The following DNAAF4 variants were observed in gnomAD, a reference collection of about 807,000 sequenced individuals.
DNAAF4 encodes dynein axonemal assembly factor 4, also known as dynein assembly factor 4, axonemal.
DNAAF4 carries 43 observed loss-of-function variants against 51.8 expected under a neutral mutation model. The observed-to-expected ratio is 0.83, with a 90% CI of 0.65 to 1.07. The LOEUF is 1.07. DNAAF4 is among the 50% of genes least tolerant of loss of function. The pLI is 0.00. For missense variants in DNAAF4, 581 were observed against 493.0 expected (o/e 1.18, Z -1.69); for synonymous variants, 194 against 165.6 (o/e 1.17, Z -1.32).
chr15:55,453,016 C>T (rs182897797), intron 5 of DNAAF4, among the ~76,000 whole-genome samples: 228 of 152,092 alleles, frequency 1.5e-3, no homozygotes, highest in Non-Finnish European at 2.8e-3. Flanking sequence ...TTAGTAGACA[C>T]GGGTTTCATC....
At position 55,430,423 on chromosome 15, in the gene DNAAF4, A is replaced by G; in HGVS notation, c.*247T>C. ...AAGGGCAAGCTTAATTCAGTAACACAAAAAAGTATACATATGTATTAATAT... is the reference window on the plus strand; with the variant it reads ...AAGGGCAAGCTTAATTCAGTAACACGAAAAAGTATACATATGTATTAATAT... On this transcript the variant is annotated 3_prime_UTR_variant, in exon 10 of 10. Coordinates refer to ENST00000321149, the MANE Select transcript of DNAAF4 (RefSeq NM_130810.4). 1 of 1,004,302 alleles carries G rather than the reference A, an allele frequency of 1.0e-6. No homozygotes were observed. The highest frequency in any genetic ancestry group is 1.2e-6 in the Non-Finnish European group (1 of 834,202). 62.2% of individuals were successfully genotyped at this position (1,004,302 alleles called of 1,614,324 possible).
chr15:55,450,384 A>G lies in DNAAF4; in HGVS notation c.638-17T>C. 6.2e-7 allele frequency: 1 copy of G among 1,605,364 alleles called. No homozygotes were observed. The highest frequency in any genetic ancestry group is 1.1e-5 in the South Asian group (1 of 89,032). On this transcript the variant is annotated splice_polypyrimidine_tract_variant and intron_variant, in intron 5 of 9. Coordinates refer to ENST00000321149, the MANE Select transcript of DNAAF4 (RefSeq NM_130810.4). ...AATTTCTCCCTTCAAAAACAATGGT[A>G]GCAAACAAGTCACTTATTTCTCATT...
intron 1 of DNAAF4, among the ~76,000 whole-genome samples, chr15:55,505,005 T>G (rs1229690276): frequency 6.6e-6 from 1 of 151,854 alleles, no homozygotes; most frequent in African/African-American, 2.4e-5. Flanking sequence ...TGGGAGAAAA[T>G]TTTTGCAATC....
chr15:55,486,479 C>A (rs548954596), intron 4 of DNAAF4, among the ~76,000 whole-genome samples: 50 of 152,206 alleles, frequency 3.3e-4, no homozygotes, highest in African/African-American at 1.2e-3. Flanking sequence ...CAGGCATGAG[C>A]CACCATGCCC....
intron 6 of DNAAF4, among the ~76,000 whole-genome samples, chr15:55,449,907 C>T (rs1490126376): frequency 7.2e-5 from 11 of 151,730 alleles, no homozygotes; most frequent in Non-Finnish European, 2.9e-5. Flanking sequence ...CCATGTTAGT[C>T]AGGTTGGTCT....
At chr15:55,435,248 C>CCACCA in intron 7 of DNAAF4, among the ~76,000 whole-genome samples, 190 bp from the exon 8 acceptor site, 1 of 150,640 alleles carries the variant, frequency 6.6e-6, no homozygotes, top group Non-Finnish European at 1.5e-5. Flanking sequence ...ATGGACCTCA[C>CCACCA]TCCCACCTCC....
intron 4 of DNAAF4, among the ~76,000 whole-genome samples, chr15:55,488,945 C>T (rs929738342): frequency 1.3e-5 from 2 of 151,954 alleles, no homozygotes; most frequent in African/African-American, 2.4e-5. Context: ...AAAAATTAGC[C>T]AGGCGTAGTG....
rs917120079 is a variant in DNAAF4, at chr15:55,423,228, G to T, written c.1048-5095C>A. ...TATTTTGTATTCTTTTTGAGTCAGG[G>T]TCTCCCTCTGTCACCCAGGCTGGAG... On this transcript the variant is annotated intron_variant, in intron 7 of 7. Coordinates refer to the DNAAF4 transcript ENST00000448430. Among the ~76,000 whole-genome samples the T allele has an allele frequency of 2.6e-5, 4 of 150,952 alleles. No homozygotes were observed. In the South Asian group the frequency reaches 8.4e-4, roughly 32 times the overall value.
chr15:55,458,305 T>A (rs1358718550), intron 5 of DNAAF4, among the ~76,000 whole-genome samples: 2 of 151,524 alleles, frequency 1.3e-5, no homozygotes, highest in African/African-American at 2.4e-5. Context: ...AGGATATGAA[T>A]GGAAAAGTCT....
intron 5 of DNAAF4, among the ~76,000 whole-genome samples, chr15:55,463,172 T>TCACACTCACA (rs1555417394): frequency 7.1e-6 from 1 of 140,288 alleles, no homozygotes; most frequent in Non-Finnish European, 1.5e-5. Flanking sequence ...AGACTCTGTC[T>TCACACTCACA]CACACACACA....
chr15:55,455,301 C>T (rs1462878909), intron 5 of DNAAF4, among the ~76,000 whole-genome samples: 2 of 145,406 alleles, frequency 1.4e-5, no homozygotes, highest in South Asian at 2.1e-4. Context: ...ACAATCTAGA[C>T]AAGAACAGTA....
chr15:55,443,343 G>A (rs112950071), intron 6 of DNAAF4: 62,690 of 894,684 alleles, frequency 0.07, 2,526 homozygotes, highest in South Asian at 0.11. Context: ...GGCGCCTGGC[G>A]CAGCTCCTCA....
chr15:55,484,767 T>G (rs750142271), intron 4 of DNAAF4, among the ~76,000 whole-genome samples: 1 of 152,138 alleles, frequency 6.6e-6, no homozygotes, highest in East Asian at 1.9e-4. Context: ...ACTGAAGAAC[T>G]TGAAGTCCCA....
In DNAAF4 at chr15:55,497,733, C is replaced by G; in HGVS notation, c.250G>C (p.Glu84Gln). 1.2e-6 allele frequency: 2 copies of G among 1,612,256 alleles called. No individual in the cohort carries two copies. Among genetic ancestry groups the G allele is most frequent in the African/African-American group, 1.3e-5 (1 of 74,934 alleles). The change falls in exon 3 of 10, where the codon GAG becomes CAG. Residue 84 changes from glutamate to glutamine, a missense_variant. Transcript: ENST00000321149. ...TTACCACCCGTCACAGAAAGGGTCT[C>G]CCACATGGCCGCTTCTTTTTTATAC... ...TLYKKEAAMW[E>Q]TLSVTGVDKE... is the part of the protein sequence containing the mutation.
At position 55,423,718 on chromosome 15, in the gene DNAAF4, T is replaced by C. The variant is rs935727188; in HGVS notation, c.1048-5585A>G. On this transcript the variant is annotated intron_variant, in intron 7 of 7. Transcript: ENST00000448430. ...CTGCAATCTCAGCACTTTGGGAGGC[T>C]AAGGCCGGTGGATCACTTAAGATAA... is the stretch of plus-strand genomic sequence containing the variant. Among the ~76,000 whole-genome samples, 10 of 152,244 alleles carry C rather than the reference T, an allele frequency of 6.6e-5. 1 individual carries two copies. Among genetic ancestry groups the C allele is most frequent in the Non-Finnish European group, 1.5e-4 (10 of 68,018 alleles).
chr15:55,418,514 A>T, intron 7 of DNAAF4: 1 of 1,524,652 alleles, frequency 6.6e-7, no homozygotes, highest in Non-Finnish European at 8.8e-7. Context: ...CACTCTAAAT[A>T]CTGCACCTGA....
At chr15:55,479,782 G>A (rs2058383071) in intron 4 of DNAAF4, among the ~76,000 whole-genome samples, 1 of 152,116 alleles carries the variant, frequency 6.6e-6, no homozygotes, top group African/African-American at 2.4e-5. Flanking sequence ...GTGCAGTTGA[G>A]ATAAGGACTG....
At chr15:55,440,481 C>G (rs8026645) in intron 6 of DNAAF4, among the ~76,000 whole-genome samples, 3,139 of 151,756 alleles carry the variant, frequency 0.021, 93 homozygotes, top group African/African-American at 0.069. Flanking sequence ...CAGGTTCACA[C>G]CATTCTCCTG....
At chr15:55,498,119 A>C in intron 2 of DNAAF4, 88 bp downstream of exon 2, 2 of 1,596,858 alleles carry the variant, frequency 1.3e-6, no homozygotes, top group South Asian at 2.3e-5. Flanking sequence ...ATCGGCAAAG[A>C]TGAGCCTGTT....
Sources: allele counts gnomAD v4.1 joint callset (sites outside exome capture counted in the v4.1 genomes callset), GRCh38; gene constraint gnomAD v4.1.1; transcripts MANE v1.5; gene names NCBI Gene and HGNC (gene_info 2026-07-23, HGNC 2026-07-21).